Variants in ONECUT3 observed in about 807,000 individuals in gnomAD.
The protein encoded by ONECUT3 is one cut domain family member 3.
ONECUT3 carries 11 observed loss-of-function variants against 16.8 expected under a neutral mutation model. The observed-to-expected ratio is 0.66, with a 90% CI of 0.41 to 1.09. The LOEUF is 1.09. ONECUT3 is among the 50% of genes least tolerant of loss of function. ONECUT3 has a pLI of 0.00. For synonymous variants in ONECUT3, 344 were observed against 310.7 expected (o/e 1.11, Z -1.13); for missense variants, 637 against 629.9 (o/e 1.01, Z -0.12).
rs1446829660 is a variant in ONECUT3 at position 1,754,614 on chromosome 19, G to A, written c.952G>A (p.Ala318Thr). The A allele has an allele frequency of 7.7e-6, 11 of 1,435,038 alleles. No individual in the cohort carries two copies. In the African/African-American group the frequency reaches 1.2e-4, roughly 16 times the overall value. The allele number at this position is 1,435,038 out of a possible 1,614,324, so 88.9% of individuals were successfully genotyped here. ...SGGGPSAGAAAEEINTKEVAQ... is the reference protein window; with the variant it reads ...SGGGPSAGAATEEINTKEVAQ... ...CGGCGGCCCCAGCGCGGGCGCAGCG[G>A]CCGAGGAGATCAACACCAAGGAGGT... Residue 318 changes from alanine to threonine, a missense_variant, in exon 1 of 2, where the codon GCC becomes ACC. Transcript: ENST00000382349. The surrounding 1 kb of genome is among the most constrained non-coding windows in gnomAD (Gnocchi z 7.4).
rs1467061154 is a variant in ONECUT3 at position 1,754,019 on chromosome 19, C to G, written c.357C>G (p.Ala119=). The G allele has an allele frequency of 1.0e-6, 1 of 993,040 alleles. No homozygotes were observed. Among genetic ancestry groups the G allele is most frequent in the Non-Finnish European group, 1.2e-6 (1 of 836,538 alleles). 61.5% of individuals were successfully genotyped at this position (993,040 alleles called of 1,614,324 possible). ...TPLQHLPPLA[A]VADKFHQHAA... ...TGCAGCACCTGCCGCCGCTCGCGGC[C>G]GTGGCCGACAAGTTCCACCAGCACG... The change falls in exon 1 of 2, where the codon GCC becomes GCG. Residue 119 remains alanine (A), a synonymous_variant. Coordinates refer to ENST00000382349, the MANE Select transcript of ONECUT3 (RefSeq NM_001080488.2). The surrounding 1 kb of genome is among the most constrained non-coding windows in gnomAD (Gnocchi z 7.4).
rs2067910486 is a variant in ONECUT3, at chr19:1,755,217, CTGT to C, written c.1192+366_1192+368del. ...TGCGTGTGTGTGTGTGAGCGCGCGC[CTGT>C]TGGGGGGAGCTGTGTCCCCGAACGA... On this transcript the variant is annotated intron_variant, in intron 1 of 1. Coordinates refer to ENST00000382349, the MANE Select transcript of ONECUT3 (RefSeq NM_001080488.2). The surrounding 1 kb of genome is among the most constrained non-coding windows in gnomAD (Gnocchi z 7.5). Among the ~76,000 whole-genome samples, 1 of 152,048 alleles carries C rather than the reference CTGT, an allele frequency of 6.6e-6. No individual in the cohort carries two copies. The highest frequency in any genetic ancestry group is 1.5e-5 in the Non-Finnish European group (1 of 67,996).
intron 1 of ONECUT3, among the ~76,000 whole-genome samples, chr19:1,769,052 G>A (rs1285250584): frequency 1.4e-5 from 2 of 140,410 alleles, no homozygotes; most frequent in African/African-American, 5.0e-5. Context: ...GGAGGTGGTG[G>A]AGTTGCTGGA....
Position 1,753,796 on chromosome 19 carries a change from G to T in ONECUT3, c.134G>T (p.Gly45Val). 1.0e-6 allele frequency: 1 copy of T among 968,498 alleles called. No individual in the cohort carries two copies. Among genetic ancestry groups the T allele is most frequent in the Non-Finnish European group, 1.2e-6 (1 of 816,646 alleles). 60.0% of individuals were successfully genotyped at this position (968,498 alleles called of 1,614,324 possible). The change falls in exon 1 of 2, where the codon GGC becomes GTC. Residue 45 changes from glycine to valine, a missense_variant. Transcript: ENST00000382349. ...GGCCTGGTGGCGCCCGGGCGCCCGG[G>T]CCTGGTGGCCGGCATGGCGAGCCTG... ...HRGLVAPGRP[G>V]LVAGMASLLD...
At chr19:1,765,487 G>A (rs11883124) in intron 1 of ONECUT3, among the ~76,000 whole-genome samples, 5,065 of 152,294 alleles carry the variant, frequency 0.033, 288 homozygotes, top group African/African-American at 0.11. Context: ...GACTCAGAGC[G>A]GAGCTGGCCT....
At chr19:1,771,711 G>C (rs1196909863) in intron 1 of ONECUT3, among the ~76,000 whole-genome samples, 2 of 152,074 alleles carry the variant, frequency 1.3e-5, no homozygotes, top group African/African-American at 4.8e-5. Context: ...CTGGGGTCTC[G>C]CTCTGTCATC....
At chr19:1,768,373 C>G (rs994134654) in intron 1 of ONECUT3, among the ~76,000 whole-genome samples, 2 of 152,062 alleles carry the variant, frequency 1.3e-5, no homozygotes, top group Admixed American at 6.6e-5. Context: ...GGAGGCCAGA[C>G]AGAGAGGCGG....
chr19:1,773,198 C>G (rs1043286450), intron 1 of ONECUT3, among the ~76,000 whole-genome samples: 2 of 151,940 alleles, frequency 1.3e-5, no homozygotes, highest in Admixed American at 1.3e-4. Flanking sequence ...CCTGCCTTGT[C>G]GGTTCCTTCT....
rs1173016508 is a variant in ONECUT3 at position 1,778,008 on chromosome 19, A to C, written c.*2563A>C. 1 of 151,632 alleles carries C rather than the reference A, an allele frequency of 6.6e-6. No homozygotes were observed. Among genetic ancestry groups the C allele is most frequent in the Non-Finnish European group, 1.5e-5 (1 of 67,924 alleles). The allele number at this position is 151,632 out of a possible 1,614,324, so 9.4% of individuals were successfully genotyped here. On this transcript the variant is annotated 3_prime_UTR_variant, in exon 2 of 2. Transcript: ENST00000382349. ...AAAACTCCCTCTCAAAAAAAAAAAA[A>C]AAAAAAAAAACTTTAGGTCCAAGAA...
Position 1,754,572 on chromosome 19 carries a change from G to A in ONECUT3, c.910G>A (p.Gly304Ser), listed in dbSNP as rs1415774795. 6 of 1,159,476 alleles carry A rather than the reference G, an allele frequency of 5.2e-6. No individual in the cohort carries two copies. In the East Asian group the frequency reaches 2.7e-4, roughly 52 times the overall value. The allele number at this position is 1,159,476 out of a possible 1,614,324, so 71.8% of individuals were successfully genotyped here. A position where few individuals can be genotyped will look rare whatever the true frequency, so the allele number is the denominator to read the frequency against. Residue 304 changes from glycine (G) to serine (S), a missense_variant, in exon 1 of 2, where the codon GGC (glycine) becomes AGC (serine). Transcript: ENST00000382349. This position sits in a 1 kb window ranked among gnomAD's most constrained non-coding sequence, Gnocchi z 7.4. ...GAHGPHGGGGGPGGSGGGPSA... is the reference protein window; with the variant it reads ...GAHGPHGGGGSPGGSGGGPSA... Reference sequence around the variant, plus strand: ...GCACGGGCCGCACGGGGGAGGCGGCGGCCCCGGCGGGAGCGGCGGCGGCCC... The same window carrying A: ...GCACGGGCCGCACGGGGGAGGCGGCAGCCCCGGCGGGAGCGGCGGCGGCCC...
At position 1,775,418 on chromosome 19, in the gene ONECUT3, C is replaced by T; in HGVS notation, c.1458C>T (p.Gly486=). ...GCACGGCCCCCGGGGGCCCCGCCGG[C>T]GCCACGGCCACTTTCTCCAAGGCCT... ...EPSTAPGGPA[G]ATATFSKA The change falls in exon 2 of 2, where the codon GGC becomes GGT. Residue 486 remains glycine, a synonymous_variant. Transcript: ENST00000382349. 6.6e-7 allele frequency: 1 copy of T among 1,526,468 alleles called. No homozygotes were observed. Among genetic ancestry groups the T allele is most frequent in the East Asian group, 2.6e-5 (1 of 38,918 alleles). The allele number at this position is 1,526,468 out of a possible 1,614,324, so 94.6% of individuals were successfully genotyped here. A position where few individuals can be genotyped will look rare whatever the true frequency, so the allele number is the denominator to read the frequency against.
At position 1,759,311 on chromosome 19, in the gene ONECUT3, A is replaced by G. The variant is rs753839790; in HGVS notation, c.1192+4457A>G. ...ACCTCTTCCCCACCCAGGCTCATAC[A>G]GGCCCTCCCTCCCCGGCTTCTCCCC... On this transcript the variant is annotated intron_variant, in intron 1 of 1. Coordinates refer to ENST00000382349, the MANE Select transcript of ONECUT3 (RefSeq NM_001080488.2). This position sits in a 1 kb window ranked among gnomAD's most constrained non-coding sequence, Gnocchi z 4.1. 2.6e-4 allele frequency among the ~76,000 whole-genome samples: 39 copies of G among 152,068 alleles called. No homozygotes were observed. Among genetic ancestry groups the G allele is most frequent in the Non-Finnish European group, 4.9e-4 (33 of 67,988 alleles).
chr19:1,764,900 C>A lies in ONECUT3; in HGVS notation c.1192+10046C>A, dbSNP rs936854309. On this transcript the variant is annotated intron_variant, in intron 1 of 1. Coordinates refer to ENST00000382349, the MANE Select transcript of ONECUT3 (RefSeq NM_001080488.2). This position sits in a 1 kb window ranked among gnomAD's most constrained non-coding sequence, Gnocchi z 5.0. Reference sequence around the variant, plus strand: ...GGCAGCTGGTGGCGGGGACAGGACGCGTCGCCAAGGAAACCGGTCATCATC... The same window carrying A: ...GGCAGCTGGTGGCGGGGACAGGACGAGTCGCCAAGGAAACCGGTCATCATC... Among the ~76,000 whole-genome samples, 1 of 152,094 alleles carries A rather than the reference C, an allele frequency of 6.6e-6. No homozygotes were observed. The highest frequency in any genetic ancestry group is 2.4e-5 in the African/African-American group (1 of 41,474).
At chr19:1,763,663 A>G (rs1250706180) in intron 1 of ONECUT3, among the ~76,000 whole-genome samples, 1 of 151,544 alleles carries the variant, frequency 6.6e-6, no homozygotes, top group East Asian at 1.9e-4. Flanking sequence ...TCTGCAAATC[A>G]CAGTCTGTAT....
At chr19:1,757,915 C>T (rs1034923191) in intron 1 of ONECUT3, among the ~76,000 whole-genome samples, 1 of 152,214 alleles carries the variant, frequency 6.6e-6, no homozygotes, top group Non-Finnish European at 1.5e-5. Context: ...AGAGGACTCG[C>T]CGCCCTTTCT....
In ONECUT3 at chr19:1,754,742, G is replaced by A. The variant is rs923959699; in HGVS notation, c.1080G>A (p.Leu360=). The A allele has an allele frequency of 2.6e-6, 4 of 1,563,604 alleles. No homozygotes were observed. The African/African-American group carries it at 4.2e-5, about 16-fold the overall frequency. Reference sequence around the variant, plus strand: ...CTCAGGGCACGCTCTCCGACCTGCTGCGCAACCCCAAGCCGTGGAGCAAGC... The same window carrying A: ...CTCAGGGCACGCTCTCCGACCTGCTACGCAACCCCAAGCCGTGGAGCAAGC... ...CRSQGTLSDL[L]RNPKPWSKLK... is the part of the protein sequence containing the mutation. The change falls in exon 1 of 2, where the codon CTG becomes CTA. Residue 360 remains leucine (L), a synonymous_variant. Coordinates refer to ENST00000382349, the MANE Select transcript of ONECUT3 (RefSeq NM_001080488.2). The surrounding 1 kb of genome is among the most constrained non-coding windows in gnomAD (Gnocchi z 7.4).
chr19:1,764,336 A>G lies in ONECUT3; in HGVS notation c.1192+9482A>G, dbSNP rs2067966064. ...GAGGGAGGGACAGCCCGAGAGTCCA[A>G]GTGGAAATGCGTTTCCCGGTTAAGT... On this transcript the variant is annotated intron_variant, in intron 1 of 1. Transcript: ENST00000382349. The surrounding 1 kb of genome is among the most constrained non-coding windows in gnomAD (Gnocchi z 5.0). 6.6e-6 allele frequency among the ~76,000 whole-genome samples: 1 copy of G among 152,200 alleles called. No homozygotes were observed. The highest frequency in any genetic ancestry group is 1.5e-5 in the Non-Finnish European group (1 of 68,030).
chr19:1,763,388 A>AAAAAAAAAAAAAAAAAACAAAAC (rs2067957865), intron 1 of ONECUT3, among the ~76,000 whole-genome samples: 1 of 140,876 alleles, frequency 7.1e-6, no homozygotes, highest in Non-Finnish European at 1.5e-5. Context: ...AAAAAAAAAA[A>AAAAAAAAAAAAAAAAAACAAAAC]AAAAAAAATT....
At position 1,764,900 on chromosome 19, in the gene ONECUT3, C is replaced by T. The variant is rs936854309; in HGVS notation, c.1192+10046C>T. ...GGCAGCTGGTGGCGGGGACAGGACG[C>T]GTCGCCAAGGAAACCGGTCATCATC... On this transcript the variant is annotated intron_variant, in intron 1 of 1. Transcript: ENST00000382349. This position sits in a 1 kb window ranked among gnomAD's most constrained non-coding sequence, Gnocchi z 5.0. Among the ~76,000 whole-genome samples the T allele has an allele frequency of 6.6e-6, 1 of 151,976 alleles. No individual in the cohort carries two copies. The highest frequency in any genetic ancestry group is 1.5e-5 in the Non-Finnish European group (1 of 67,980).
Sources: gnomAD v4.1 joint callset for allele counts (sites outside exome capture counted in the v4.1 genomes callset) on GRCh38, gnomAD v4.1.1 for gene constraint, Gnocchi (gnomAD v3.1) non-coding constraint, MANE v1.5 for transcripts, NCBI Gene and HGNC (gene_info 2026-07-23, HGNC 2026-07-21) for gene names.